The following COL19A1 variants were observed in gnomAD, a reference collection of about 807,000 sequenced individuals.
COL19A1 encodes the protein collagen type XIX alpha 1 chain, also known as collagen alpha-1(XIX) chain.
A neutral mutation model predicts 190.2 loss-of-function variants in COL19A1; 159 were observed. That is an observed-to-expected ratio of 0.84 (90% confidence interval 0.73 to 0.95). The LOEUF (loss-of-function observed/expected upper bound fraction) is 0.95, where lower values mean the gene tolerates loss of function less well. Ranked by LOEUF, COL19A1 falls within the 40% of genes least tolerant of loss-of-function variation. COL19A1 has a pLI of 0.00. For synonymous variants in COL19A1, 509 were observed against 458.9 expected (o/e 1.11, Z -1.39); for missense variants, 1,418 against 1,431.9 (o/e 0.99, Z 0.16).
At chr6:70,126,120 A>T (rs1785177425) in intron 17 of COL19A1, among the ~76,000 whole-genome samples, 1 of 150,872 alleles carries the variant, frequency 6.6e-6, no homozygotes, top group African/African-American at 2.4e-5. Flanking sequence ...CCAGCAACCA[A>T]TTCTTGTATT....
At chr6:69,932,733 A>T (rs1772859740) in intron 6 of COL19A1, 50 bp from the exon 7 acceptor site, 1 of 1,089,778 alleles carries the variant, frequency 9.2e-7, no homozygotes, top group Non-Finnish European at 1.4e-6. Flanking sequence ...AACTGCCTGA[A>T]TGTGATTCCA....
rs547836614 is a variant in COL19A1, at chr6:70,070,656, C to T, written c.1224+2180C>T. Among the ~76,000 whole-genome samples the T allele has an allele frequency of 9.9e-5, 15 of 152,124 alleles. No homozygotes were observed. The South Asian group carries it at 2.9e-3, about 29-fold the overall frequency. ...GAAACAAATGAATTTTAAAAATGAGCGTTCTTACATATTTACATTTAGGTC... is the reference window on the plus strand; with the variant it reads ...GAAACAAATGAATTTTAAAAATGAGTGTTCTTACATATTTACATTTAGGTC... On this transcript the variant is annotated intron_variant, in intron 15 of 50. Coordinates refer to ENST00000620364, the MANE Select transcript of COL19A1 (RefSeq NM_001858.6).
chr6:70,168,469 C>T (rs1010775408), intron 39 of COL19A1, among the ~76,000 whole-genome samples, 186 bp from the exon 40 acceptor site: 4 of 152,238 alleles, frequency 2.6e-5, no homozygotes, highest in Non-Finnish European at 5.9e-5. Flanking sequence ...AATGTCCAAG[C>T]AATCATTTTT....
intron 48 of COL19A1, among the ~76,000 whole-genome samples, chr6:70,190,687 C>T (rs753289781): frequency 2.0e-5 from 3 of 152,146 alleles, no homozygotes; most frequent in African/African-American, 7.2e-5. Flanking sequence ...CCTTAGTTTT[C>T]TCTTTTATGG....
chr6:69,932,243 A>G (rs2150015178), intron 6 of COL19A1, among the ~76,000 whole-genome samples: 1 of 152,192 alleles, frequency 6.6e-6, no homozygotes, highest in Middle Eastern at 3.4e-3. Flanking sequence ...CCCTGCTTAG[A>G]TTATACCAAT....
chr6:70,163,487 C>G, intron 36 of COL19A1, 91 bp downstream of exon 36: 1 of 1,224,588 alleles, frequency 8.2e-7, no homozygotes, highest in Middle Eastern at 1.9e-4. Flanking sequence ...TAAAATCAAG[C>G]AAAGCCTAAA....
chr6:70,154,649 G>A (rs1475923768), intron 31 of COL19A1, among the ~76,000 whole-genome samples: 1 of 152,152 alleles, frequency 6.6e-6, no homozygotes. Context: ...TCTGCAAGTC[G>A]AAGAGCAAGG....
At chr6:70,083,537 T>C (rs1232140502) in intron 15 of COL19A1, among the ~76,000 whole-genome samples, 1 of 152,194 alleles carries the variant, frequency 6.6e-6, no homozygotes, top group Non-Finnish European at 1.5e-5. Context: ...TCCCATAGAA[T>C]TAGAGAAGTG....
chr6:70,114,289 G>T (rs1210518420), intron 16 of COL19A1, among the ~76,000 whole-genome samples: 2 of 152,152 alleles, frequency 1.3e-5, no homozygotes, highest in Non-Finnish European at 2.9e-5. Flanking sequence ...AAGATGATTG[G>T]TATTTTATTT....
intron 14 of COL19A1, among the ~76,000 whole-genome samples, chr6:70,049,860 T>G (rs1043731122): frequency 1.3e-5 from 2 of 152,140 alleles, no homozygotes; most frequent in Admixed American, 1.3e-4. Flanking sequence ...AAATCTACAT[T>G]AAAATCAGTT....
At chr6:69,923,659 A>G (rs1772151967) in intron 4 of COL19A1, among the ~76,000 whole-genome samples, 1 of 152,210 alleles carries the variant, frequency 6.6e-6, no homozygotes, top group Non-Finnish European at 1.5e-5. Context: ...AGAGGGCACT[A>G]GAAAGCTCCA....
At chr6:70,009,555 A>T (rs1777854033) in intron 11 of COL19A1, among the ~76,000 whole-genome samples, 1 of 152,088 alleles carries the variant, frequency 6.6e-6, no homozygotes, top group Admixed American at 6.5e-5. Context: ...AGGAAATCTC[A>T]ATGAAAATCT....
At chr6:69,995,112 G>A (rs1009411904) in intron 11 of COL19A1, among the ~76,000 whole-genome samples, 30 of 152,056 alleles carry the variant, frequency 2.0e-4, no homozygotes, top group Non-Finnish European at 3.5e-4. Flanking sequence ...TTTGTCATTC[G>A]AAATGTAGTA....
At chr6:69,951,059 T>TA (rs1388916483) in intron 9 of COL19A1, among the ~76,000 whole-genome samples, 1 of 151,944 alleles carries the variant, frequency 6.6e-6, no homozygotes, top group African/African-American at 2.4e-5. Context: ...AAATTTGCCC[T>TA]AAAATGTTTA....
intron 2 of COL19A1, among the ~76,000 whole-genome samples, chr6:69,898,418 A>C (rs562675289): frequency 1.3e-5 from 2 of 152,206 alleles, no homozygotes; most frequent in Non-Finnish European, 2.9e-5. Flanking sequence ...GTAGCACATA[A>C]GTACACTTTC....
Position 69,879,598 on chromosome 6 carries a change from C to A in COL19A1, c.31C>A (p.Leu11Ile), listed in dbSNP as rs777679866. 1 of 1,614,000 alleles carries A rather than the reference C, an allele frequency of 6.2e-7. No individual in the cohort carries two copies. Reference sequence around the variant, plus strand: ...ACTCACTGGCCCTTGGAAACTTTGGCTTTGGATGTCAATATTTCTGCTTCC... The same window carrying A: ...ACTCACTGGCCCTTGGAAACTTTGGATTTGGATGTCAATATTTCTGCTTCC... MRLTGPWKLW[L>I]WMSIFLLPAS... The change falls in exon 2 of 51, where the codon CTT (leucine) becomes ATT (isoleucine). Residue 11 changes from leucine to isoleucine, a missense_variant. Physicochemically the swap from Leu to Ile is conservative, Grantham distance 5. Transcript: ENST00000620364.
At chr6:70,023,509 T>C (rs1778553237) in intron 11 of COL19A1, 118 bp from the exon 12 acceptor site, 1 of 767,670 alleles carries the variant, frequency 1.3e-6, no homozygotes, top group African/African-American at 1.8e-5. Flanking sequence ...AACGTGCCTT[T>C]CAAGGGTTTA....
intron 8 of COL19A1, 131 bp downstream of exon 8, chr6:69,937,041 G>A: frequency 3.2e-6 from 4 of 1,266,502 alleles, no homozygotes; most frequent in Non-Finnish European, 4.4e-6. Flanking sequence ...TCAGTTACTG[G>A]GGTGGGTTAA....
chr6:69,874,750 CA>C (rs1228519414), intron 1 of COL19A1, among the ~76,000 whole-genome samples: 1 of 148,368 alleles, frequency 6.7e-6, no homozygotes. Flanking sequence ...GACTCTGTCT[CA>C]AAAAAAATAA....
Sources: gnomAD v4.1 joint callset for allele counts (sites outside exome capture counted in the v4.1 genomes callset) on GRCh38, gnomAD v4.1.1 for gene constraint, MANE v1.5 for transcripts, NCBI Gene and HGNC (gene_info 2026-07-23, HGNC 2026-07-21) for gene names.